SCRG1: variants seen among roughly 807,000 people sequenced by gnomAD.
The protein encoded by SCRG1 is stimulator of chondrogenesis 1.
Under a neutral mutation model 7.7 loss-of-function variants are expected in SCRG1, and 3 were observed. The ratio of observed to expected loss-of-function variants is 0.39; its 90% CI spans 0.18 to 1.01. The LOEUF is 1.01. Ranked by LOEUF, SCRG1 falls within the 50% of genes least tolerant of loss-of-function variation. The probability of loss-of-function intolerance (pLI) is 0.36; values close to 1 mark genes in which losing one functional copy is unlikely to be tolerated. For missense variants in SCRG1, 110 were observed against 117.2 expected, an observed-to-expected ratio of 0.94 and a Z score of 0.28; for synonymous variants, 46 against 41.2, an observed-to-expected ratio of 1.12 and a Z score of -0.44.
chr4:173,441,137 A>G, the SCRG1 span, among the ~76,000 whole-genome samples: 1 of 152,204 alleles, frequency 6.6e-6, no homozygotes, highest in Non-Finnish European at 1.5e-5. Context: ...GATGTTTCCT[A>G]GAAAAGAAGC....
the SCRG1 span, among the ~76,000 whole-genome samples, chr4:173,445,610 T>TGCAAGTC: frequency 6.7e-6 from 1 of 149,552 alleles, no homozygotes; most frequent in Non-Finnish European, 1.5e-5. Flanking sequence ...AAAATACTCA[T>TGCAAGTC]GCAAGTCACT....
the SCRG1 span, among the ~76,000 whole-genome samples, chr4:173,496,152 G>A: frequency 6.6e-6 from 1 of 152,140 alleles, no homozygotes; most frequent in African/African-American, 2.4e-5. Flanking sequence ...AAGTCTATGG[G>A]GGAATGAATG....
the SCRG1 span, among the ~76,000 whole-genome samples, chr4:173,451,760 C>T: frequency 3.3e-5 from 5 of 151,930 alleles, no homozygotes; most frequent in East Asian, 9.7e-4. Context: ...TCTCTGCCTT[C>T]CATGTTCAAG....
At chr4:173,497,240 G>C in the SCRG1 span, among the ~76,000 whole-genome samples, 2 of 152,190 alleles carry the variant, frequency 1.3e-5, no homozygotes, top group Non-Finnish European at 2.9e-5. Flanking sequence ...CTGAATGTCA[G>C]CTCCATCCTT....
At chr4:173,506,765 G>T in the SCRG1 span, among the ~76,000 whole-genome samples, 1 of 152,102 alleles carries the variant, frequency 6.6e-6, no homozygotes, top group African/African-American at 2.4e-5. The surrounding 1 kb of genome is among the most constrained non-coding windows in gnomAD (Gnocchi z 5.3). Flanking sequence ...TTACGGTGGC[G>T]GACTCGCGAG....
At chr4:173,434,950 C>T in the SCRG1 span, among the ~76,000 whole-genome samples, 1 of 151,978 alleles carries the variant, frequency 6.6e-6, no homozygotes, top group Admixed American at 6.6e-5. Context: ...GATCCCAGGC[C>T]CAGGGGTTCA....
upstream of SCRG1, among the ~76,000 whole-genome samples, chr4:173,408,393 A>T (rs1739965918): frequency 6.6e-6 from 1 of 152,184 alleles, no homozygotes; most frequent in Non-Finnish European, 1.5e-5. Context: ...TTGCCCCTGG[A>T]TTGTTACTAC....
chr4:173,446,402 C>T, the SCRG1 span, among the ~76,000 whole-genome samples: 3 of 150,318 alleles, frequency 2.0e-5, no homozygotes, highest in South Asian at 2.1e-4. Context: ...CATGCACTCA[C>T]GGGGGGAAAA....
At chr4:173,432,492 C>G in the SCRG1 span, among the ~76,000 whole-genome samples, 2 of 151,814 alleles carry the variant, frequency 1.3e-5, no homozygotes, top group African/African-American at 4.8e-5. Flanking sequence ...TTCCTTTTCT[C>G]TCAGTATCTG....
At chr4:173,442,755 G>C in the SCRG1 span, among the ~76,000 whole-genome samples, 1 of 152,202 alleles carries the variant, frequency 6.6e-6, no homozygotes, top group African/African-American at 2.4e-5. Flanking sequence ...GGAAGGGCAA[G>C]TGAGGACGTG....
At chr4:173,412,632 T>C in the SCRG1 span, among the ~76,000 whole-genome samples, 1 of 152,216 alleles carries the variant, frequency 6.6e-6, no homozygotes, top group East Asian at 1.9e-4. Context: ...GCTATAATCC[T>C]GAGTCTGTGG....
the SCRG1 span, among the ~76,000 whole-genome samples, chr4:173,486,311 A>C: frequency 1.3e-5 from 2 of 152,172 alleles, no homozygotes; most frequent in African/African-American, 2.4e-5. Context: ...ATCTGCTCCT[A>C]GGTGATTTTA....
At chr4:173,393,585 T>C (rs971662108) in intron 1 of SCRG1, among the ~76,000 whole-genome samples, 3 of 152,188 alleles carry the variant, frequency 2.0e-5, no homozygotes, top group Admixed American at 1.3e-4. Flanking sequence ...GAAGAATGTA[T>C]ATTCTTCTGC....
the SCRG1 span, among the ~76,000 whole-genome samples, chr4:173,443,943 T>TTGTGTGTGTG: frequency 2.8e-3 from 385 of 138,786 alleles, 1 homozygote; most frequent in South Asian, 4.7e-3. Flanking sequence ...AGAGCTTGTT[T>TTGTGTGTGTG]TGTGTGTGTG....
At chr4:173,515,851 C>CT in the SCRG1 span, among the ~76,000 whole-genome samples, 4 of 152,258 alleles carry the variant, frequency 2.6e-5, no homozygotes, top group Middle Eastern at 3.4e-3. The surrounding 1 kb of genome is among the most constrained non-coding windows in gnomAD (Gnocchi z 4.6). Flanking sequence ...GGGGACGTAT[C>CT]TTTTTCAGAG....
the SCRG1 span, among the ~76,000 whole-genome samples, chr4:173,503,009 C>G: frequency 6.6e-6 from 1 of 152,136 alleles, no homozygotes; most frequent in Non-Finnish European, 1.5e-5. This position sits in a 1 kb window ranked among gnomAD's most constrained non-coding sequence, Gnocchi z 6.4. Flanking sequence ...TCTGAGAGCA[C>G]CTAGCACCCG....
At chr4:173,485,063 T>TATATAATATATAATATATAATATATA in the SCRG1 span, among the ~76,000 whole-genome samples, 1 of 6,722 alleles carries the variant, frequency 1.5e-4, no homozygotes, top group African/African-American at 3.8e-4. Flanking sequence ...TATTATATAT[T>TATATAATATATAATATATAATATATA]ATATATTATA....
the SCRG1 span, among the ~76,000 whole-genome samples, chr4:173,413,115 CAAAAAAAAAAA>C: frequency 7.4e-6 from 1 of 135,610 alleles, no homozygotes; most frequent in Non-Finnish European, 1.6e-5. Flanking sequence ...GTTGCATTTC[CAAAAAAAAAAA>C]AGAAAGAAAA....
chr4:173,492,822 A>G, the SCRG1 span, among the ~76,000 whole-genome samples: 3 of 152,114 alleles, frequency 2.0e-5, no homozygotes, highest in Non-Finnish European at 4.4e-5. Flanking sequence ...CATGATCAGA[A>G]CCTAAACTGC....
Sources: allele counts gnomAD v4.1 joint callset (sites outside exome capture counted in the v4.1 genomes callset), GRCh38; gene constraint gnomAD v4.1.1; non-coding constraint Gnocchi (gnomAD v3.1); transcripts MANE v1.5; gene names NCBI Gene and HGNC (gene_info 2026-07-23, HGNC 2026-07-21).